PKHD1L1: variants seen among roughly 807,000 people sequenced by gnomAD.
PKHD1L1 encodes the protein fibrocystin-L.
PKHD1L1 carries 434 observed loss-of-function variants against 462.9 expected under a neutral mutation model. The ratio of observed to expected loss-of-function variants is 0.94; its 90% CI spans 0.87 to 1.02. PKHD1L1 has a LOEUF of 1.02. PKHD1L1 is among the 50% of genes least tolerant of loss of function. PKHD1L1 has a pLI of 0.00. For synonymous variants in PKHD1L1, 1,781 were observed against 1,750.0 expected, an observed-to-expected ratio of 1.02 and a Z score of -0.44; for missense variants, 5,202 against 5,096.1, an observed-to-expected ratio of 1.02 and a Z score of -0.63.
intron 20 of PKHD1L1, 113 bp downstream of exon 20, chr8:109,412,527 T>C (rs1586458217): frequency 1.8e-6 from 2 of 1,131,522 alleles, no homozygotes; most frequent in African/African-American, 1.6e-5. Context: ...TATGTCATAT[T>C]GTAACAGGCA....
chr8:109,462,112 G>A (rs1229083445), intron 48 of PKHD1L1, among the ~76,000 whole-genome samples: 2 of 152,004 alleles, frequency 1.3e-5, no homozygotes, highest in Admixed American at 6.6e-5. Flanking sequence ...GAATTAATCA[G>A]CATTTCTATC....
chr8:109,518,107 A>G, intron 72 of PKHD1L1, 60 bp from the exon 73 acceptor site: 5 of 1,028,814 alleles, frequency 4.9e-6, no homozygotes, highest in Non-Finnish European at 7.0e-6. Flanking sequence ...TAAGTAACGC[A>G]TGTTGATTGT....
At chr8:109,424,977 C>T in intron 23 of PKHD1L1, 108 bp from the exon 24 acceptor site, 1 of 917,414 alleles carries the variant, frequency 1.1e-6, no homozygotes, top group East Asian at 2.9e-5. Context: ...ATCCTGAATA[C>T]ATGAGGCTCA....
At chr8:109,365,191 G>T in intron 2 of PKHD1L1, among the ~76,000 whole-genome samples, 1 of 152,132 alleles carries the variant, frequency 6.6e-6, no homozygotes, top group Non-Finnish European at 1.5e-5. Context: ...TATATTTAAT[G>T]CACAGCTTTT....
intron 63 of PKHD1L1, among the ~76,000 whole-genome samples, chr8:109,496,612 AC>A (rs1819099624): frequency 6.6e-6 from 1 of 152,188 alleles, no homozygotes; most frequent in Admixed American, 6.5e-5. Context: ...ATTAGAATAA[AC>A]CAGGCGAGGT....
At chr8:109,477,422 C>T (rs1367004835) in intron 53 of PKHD1L1, 26 bp downstream of exon 53, 1 of 1,569,728 alleles carries the variant, frequency 6.4e-7, no homozygotes, top group Non-Finnish European at 8.7e-7. Flanking sequence ...GTAGTTGATA[C>T]CCTTCAATAT....
intron 37 of PKHD1L1, among the ~76,000 whole-genome samples, chr8:109,444,299 A>C (rs1815991913): frequency 6.6e-6 from 1 of 152,188 alleles, no homozygotes; most frequent in South Asian, 2.1e-4. Flanking sequence ...TTCACTCAAC[A>C]TAATGTTTTC....
chr8:109,458,056 T>C (rs1475705117), intron 46 of PKHD1L1, among the ~76,000 whole-genome samples: 1 of 152,168 alleles, frequency 6.6e-6, no homozygotes, highest in African/African-American at 2.4e-5. Context: ...CTGTCTCCTG[T>C]AGCATCTTTC....
At chr8:109,432,280 C>G (rs568247569) in intron 27 of PKHD1L1, among the ~76,000 whole-genome samples, 2 of 152,032 alleles carry the variant, frequency 1.3e-5, no homozygotes, top group African/African-American at 2.4e-5. Flanking sequence ...TTGATTTATT[C>G]TAGGTTATTT....
intron 2 of PKHD1L1, among the ~76,000 whole-genome samples, chr8:109,380,327 T>C (rs1470375422): frequency 6.6e-6 from 1 of 152,162 alleles, no homozygotes; most frequent in African/African-American, 2.4e-5. Flanking sequence ...ATGTGTTGTA[T>C]AGTGGGTAGA....
intron 24 of PKHD1L1, 82 bp downstream of exon 24, chr8:109,425,314 T>G (rs1814687690): frequency 1.0e-6 from 1 of 985,350 alleles, no homozygotes; most frequent in Admixed American, 3.5e-5. Context: ...TTGTTTAACT[T>G]GAGAATTACT....
intron 2 of PKHD1L1, among the ~76,000 whole-genome samples, chr8:109,376,212 C>A (rs1397862670): frequency 6.6e-6 from 1 of 152,174 alleles, no homozygotes; most frequent in African/African-American, 2.4e-5. Context: ...GGGTGCCCCT[C>A]CCCCAGCCTC....
intron 2 of PKHD1L1, among the ~76,000 whole-genome samples, chr8:109,365,992 A>G (rs1228990338): frequency 1.3e-5 from 2 of 152,230 alleles, no homozygotes; most frequent in South Asian, 2.1e-4. Context: ...GAAGAAAAAA[A>G]GAAAACACCC....
At chr8:109,400,851 TG>T (rs1449793564) in intron 13 of PKHD1L1, among the ~76,000 whole-genome samples, 1 of 152,150 alleles carries the variant, frequency 6.6e-6, no homozygotes, top group Non-Finnish European at 1.5e-5. Flanking sequence ...TTTCTGTATT[TG>T]GGGTTACTTT....
chr8:109,490,904 A>T, intron 60 of PKHD1L1, 68 bp from the exon 61 acceptor site: 1 of 1,353,782 alleles, frequency 7.4e-7, no homozygotes, highest in Non-Finnish European at 9.9e-7. Flanking sequence ...AAAATCATTT[A>T]CTTCAATTTT....
At position 109,452,024 on chromosome 8, in the gene PKHD1L1, A is replaced by ATTT. The variant is rs149400770; in HGVS notation, c.6351-92_6351-90dup. The ATTT allele has an allele frequency of 5.2e-6, 5 of 967,832 alleles. No individual in the cohort carries two copies. The African/African-American group carries it at 5.2e-5, about 10-fold the overall frequency. The allele number at this position is 967,832 out of a possible 1,614,324, so 60.0% of individuals were successfully genotyped here. A position where few individuals can be genotyped will look rare whatever the true frequency, so the allele number is the denominator to read the frequency against. On this transcript the variant is annotated intron_variant, in intron 41 of 77. Coordinates refer to ENST00000378402, the MANE Select transcript of PKHD1L1 (RefSeq NM_177531.6). ...CTTTGGTGGCTGATAGAATCAGGTCATTTTTTTTTTGCAATAATACATAGG... is the reference window on the plus strand; with the variant it reads ...CTTTGGTGGCTGATAGAATCAGGTCATTTTTTTTTTTTTGCAATAATACATAGG...
intron 29 of PKHD1L1, 124 bp downstream of exon 29, chr8:109,435,478 C>G (rs1815356929): frequency 1.9e-6 from 2 of 1,060,394 alleles, no homozygotes; most frequent in Admixed American, 5.1e-5. Flanking sequence ...AAAGGAAAGT[C>G]TCCTTCGAGA....
At chr8:109,429,540 T>A in intron 26 of PKHD1L1, 78 bp downstream of exon 26, 1 of 1,363,486 alleles carries the variant, frequency 7.3e-7, no homozygotes. Flanking sequence ...AAAGACCTGG[T>A]GAAACAGGAG....
Position 109,442,139 on chromosome 8 carries a change from G to A in PKHD1L1, c.4337G>A (p.Gly1446Glu). The stretch of plus-strand genomic sequence containing the variant: ...AGGATTTTTTCTGTCTCCAGTCCTG[G>A]AAGTGTAATTTATGATGGCAAAGGA... ...GYRIFSVSSP[G>E]SVIYDGKGFT... The change falls in exon 35 of 78, where the codon GGA (glycine) becomes GAA (glutamate). Residue 1446 changes from glycine to glutamate, a missense_variant. Physicochemically the swap from Gly to Glu is moderately conservative, Grantham distance 98. Around this residue, in one of 3 missense-constraint regions of PKHD1L1, gnomAD observed 4,497 missense variants for 4,336.8 expected, o/e 1.04. Transcript: ENST00000378402. The A allele has an allele frequency of 1.2e-6, 2 of 1,613,342 alleles. No homozygotes were observed. Among genetic ancestry groups the A allele is most frequent in the Non-Finnish European group, 1.7e-6 (2 of 1,179,552 alleles).
Sources: gnomAD v4.1 joint callset for allele counts (sites outside exome capture counted in the v4.1 genomes callset) on GRCh38, gnomAD v4.1.1 for gene constraint, gnomAD v4.1.1 regional missense constraint, MANE v1.5 for transcripts, NCBI Gene and HGNC (gene_info 2026-07-23, HGNC 2026-07-21) for gene names.